ARID1B: variants seen among roughly 807,000 people sequenced by gnomAD.
The protein encoded by ARID1B is AT-rich interaction domain 1B.
Under a neutral mutation model 212.3 loss-of-function variants are expected in ARID1B, and 30 were observed. The ratio of observed to expected loss-of-function variants is 0.14; its 90% CI spans 0.11 to 0.19. The LOEUF is 0.19. ARID1B is among the 10% of genes least tolerant of loss of function. ARID1B has a pLI of 1.00. For missense variants in ARID1B, 2,891 were observed against 3,204.0 expected (o/e 0.90, Z 2.36); for synonymous variants, 1,402 against 1,301.7 (o/e 1.08, Z -1.66).
intron 4 of ARID1B, among the ~76,000 whole-genome samples, chr6:157,006,924 A>G (rs761024061): frequency 3.9e-5 from 6 of 152,244 alleles, no homozygotes; most frequent in Non-Finnish European, 7.3e-5. Context: ...CTAAAGAAAA[A>G]ATGCTGTGTA....
intron 4 of ARID1B, among the ~76,000 whole-genome samples, chr6:157,068,708 A>T (rs1419492001): frequency 6.6e-6 from 1 of 152,222 alleles, no homozygotes; most frequent in East Asian, 1.9e-4. Flanking sequence ...ATAGTGTGAA[A>T]TACCTGTTAG....
intron 4 of ARID1B, among the ~76,000 whole-genome samples, chr6:157,000,123 G>A (rs887603740): frequency 1.3e-5 from 2 of 152,154 alleles, no homozygotes; most frequent in Non-Finnish European, 1.5e-5. Context: ...GAGCATTCTG[G>A]GTAGAAGGAT....
intron 4 of ARID1B, among the ~76,000 whole-genome samples, chr6:157,046,342 A>G (rs574870317): frequency 6.6e-6 from 1 of 152,312 alleles, no homozygotes; most frequent in Non-Finnish European, 1.5e-5. Flanking sequence ...ATGAGGAGTT[A>G]CTTGAGAGCT....
At chr6:156,881,198 C>G (rs1434813765) in intron 2 of ARID1B, among the ~76,000 whole-genome samples, 1 of 152,196 alleles carries the variant, frequency 6.6e-6, no homozygotes, top group African/African-American at 2.4e-5. Flanking sequence ...CTCTTGGAAC[C>G]TGAGAAAGCT....
intron 4 of ARID1B, among the ~76,000 whole-genome samples, chr6:156,980,989 G>A (rs1777568313): frequency 6.6e-6 from 1 of 152,170 alleles, no homozygotes; most frequent in African/African-American, 2.4e-5. Context: ...TTACATTGTA[G>A]CATAAACATC....
At chr6:156,819,948 G>T in intron 1 of ARID1B, among the ~76,000 whole-genome samples, 1 of 142,214 alleles carries the variant, frequency 7.0e-6, no homozygotes, top group East Asian at 2.3e-4. Context: ...TGGCAGAGAT[G>T]GGGGGTCCCA....
intron 4 of ARID1B, among the ~76,000 whole-genome samples, chr6:156,952,871 T>C (rs1220213250): frequency 1.3e-5 from 2 of 152,248 alleles, no homozygotes; most frequent in African/African-American, 2.4e-5. Context: ...TTTATGACTT[T>C]CTTCGAGTAA....
intron 2 of ARID1B, among the ~76,000 whole-genome samples, chr6:156,865,097 G>A (rs192317624): frequency 6.6e-6 from 1 of 152,218 alleles, no homozygotes; most frequent in East Asian, 1.9e-4. Flanking sequence ...GCTTGCTCCA[G>A]TCTCTCTGGA....
chr6:156,910,755 C>A (rs1171295821), intron 3 of ARID1B, among the ~76,000 whole-genome samples: 1 of 152,058 alleles, frequency 6.6e-6, no homozygotes, highest in Non-Finnish European at 1.5e-5. Context: ...CCTTTGGTAT[C>A]CTTTATACAA....
At chr6:156,889,103 C>G (rs2128183981) in intron 2 of ARID1B, among the ~76,000 whole-genome samples, 1 of 152,180 alleles carries the variant, frequency 6.6e-6, no homozygotes, top group Admixed American at 6.5e-5. Context: ...TTTTAAAATG[C>G]CAGCTCTGTT....
chr6:156,851,271 T>G (rs544787983), intron 2 of ARID1B, among the ~76,000 whole-genome samples: 12 of 152,210 alleles, frequency 7.9e-5, no homozygotes, highest in Non-Finnish European at 1.8e-4. Flanking sequence ...GATACCCTAT[T>G]TGTTCTCCAA....
chr6:156,821,746 A>C (rs1413494182), intron 1 of ARID1B, among the ~76,000 whole-genome samples: 1 of 152,222 alleles, frequency 6.6e-6, no homozygotes, highest in African/African-American at 2.4e-5. Flanking sequence ...ATGGGTTTCT[A>C]GATTAGATTC....
intron 4 of ARID1B, among the ~76,000 whole-genome samples, chr6:157,057,958 T>C (rs1783073182): frequency 6.6e-6 from 1 of 152,228 alleles, no homozygotes; most frequent in African/African-American, 2.4e-5. Context: ...TTTCTTTCTT[T>C]TGCAGAATTT....
Position 157,167,208 on chromosome 6 carries a change from C to A in ARID1B, c.3235+23C>A, listed in dbSNP as rs777741486. 4 of 1,597,208 alleles carry A rather than the reference C, an allele frequency of 2.5e-6. No individual in the cohort carries two copies. The East Asian group carries it at 9.0e-5, about 36-fold the overall frequency. ...CAGGTAACCTTGGCAGCTCTGCGCT[C>A]CTGAGCCCCTCTCTCTCCCCTCTCC... On this transcript the variant is annotated intron_variant, in intron 9 of 19. Coordinates refer to ENST00000636930, the MANE Select transcript of ARID1B (RefSeq NM_001374828.1).
intron 2 of ARID1B, among the ~76,000 whole-genome samples, chr6:156,894,217 A>T (rs796610468): frequency 3.6e-5 from 5 of 140,420 alleles, no homozygotes; most frequent in African/African-American, 1.3e-4. Flanking sequence ...CCTATGTGAG[A>T]TAGCAAGACT....
chr6:156,922,087 C>T (rs1790852885), intron 3 of ARID1B, among the ~76,000 whole-genome samples: 1 of 152,006 alleles, frequency 6.6e-6, no homozygotes, highest in South Asian at 2.1e-4. Flanking sequence ...CTCAGCAGGT[C>T]ACTGTCATGC....
intron 11 of ARID1B, among the ~76,000 whole-genome samples, chr6:157,177,997 C>T (rs954309898): frequency 1.3e-5 from 2 of 152,166 alleles, no homozygotes; most frequent in African/African-American, 4.8e-5. Flanking sequence ...GCTCTCTATT[C>T]ACTAAGTCTT....
intron 4 of ARID1B, among the ~76,000 whole-genome samples, chr6:156,965,844 C>G (rs893295196): frequency 2.0e-5 from 3 of 152,088 alleles, no homozygotes; most frequent in Non-Finnish European, 4.4e-5. Context: ...ATTTATTAAT[C>G]ATTAATAAAT....
chr6:157,023,508 T>A (rs1780457856), intron 4 of ARID1B: 1 of 152,172 alleles, frequency 6.6e-6, no homozygotes, highest in East Asian at 1.9e-4. Context: ...TTGGAAACAG[T>A]GTAATAAGGG....
Sources: gnomAD v4.1 joint callset for allele counts (sites outside exome capture counted in the v4.1 genomes callset) on GRCh38, gnomAD v4.1.1 for gene constraint, MANE v1.5 for transcripts, NCBI Gene and HGNC (gene_info 2026-07-23, HGNC 2026-07-21) for gene names.